The following GSTCD variants were observed in gnomAD, a reference collection of about 807,000 sequenced individuals.
The protein encoded by GSTCD is glutathione S-transferase C-terminal domain containing.
GSTCD carries 44 observed loss-of-function variants against 68.3 expected under a neutral mutation model. The observed-to-expected ratio is 0.64, with a 90% CI of 0.51 to 0.83. The LOEUF (loss-of-function observed/expected upper bound fraction) is 0.83, where lower values mean the gene tolerates loss of function less well. Ranked by LOEUF, GSTCD falls within the 40% of genes least tolerant of loss-of-function variation. GSTCD has a pLI of 0.00. For synonymous variants in GSTCD, 273 were observed against 255.2 expected (o/e 1.07, Z -0.67); for missense variants, 739 against 735.9 (o/e 1.00, Z -0.05).
chr4:105,830,018 A>T (rs1344742132), intron 8 of GSTCD, among the ~76,000 whole-genome samples: 1 of 152,194 alleles, frequency 6.6e-6, no homozygotes. Flanking sequence ...TTTTTAAATT[A>T]GAGATTTAGT....
intron 5 of GSTCD, among the ~76,000 whole-genome samples, chr4:105,775,090 T>G (rs140946014): frequency 0.054 from 8,170 of 152,286 alleles, 252 homozygotes; most frequent in Middle Eastern, 0.14. Flanking sequence ...GTCTTCATGC[T>G]TTATTTCATT....
At chr4:105,819,388 AC>A (rs1469759096) in intron 5 of GSTCD, among the ~76,000 whole-genome samples, 2 of 151,796 alleles carry the variant, frequency 1.3e-5, no homozygotes, top group African/African-American at 4.8e-5. Context: ...CAATGCACAT[AC>A]TTTTGCACAT....
intron 10 of GSTCD, among the ~76,000 whole-genome samples, 200 bp from the exon 11 acceptor site, chr4:105,841,865 A>G (rs1326252150): frequency 6.6e-6 from 1 of 152,154 alleles, no homozygotes; most frequent in African/African-American, 2.4e-5. Context: ...ACAAAAAAAT[A>G]CAGTGTACTT....
chr4:105,740,307 G>T (rs553858328), intron 5 of GSTCD, among the ~76,000 whole-genome samples: 8 of 151,974 alleles, frequency 5.3e-5, no homozygotes, highest in African/African-American at 1.7e-4. Context: ...CTGGAGTGAG[G>T]ACTATAGTTT....
rs908300777 is a variant in GSTCD, at chr4:105,741,821, A to G, written c.1240+12322A>G. On this transcript the variant is annotated intron_variant, in intron 5 of 11. Transcript: ENST00000515279. ...CAGGGCTACAGGGTATACTCACATT[A>G]CATTCACTGTTTCTTAAAAGGTTTA... Among the ~76,000 whole-genome samples the G allele has an allele frequency of 7.2e-5, 11 of 152,318 alleles. 1 individual carries two copies. In the South Asian group the frequency reaches 2.1e-3, roughly 29 times the overall value.
In GSTCD at chr4:105,719,329, T is replaced by G; in HGVS notation, c.696T>G (p.Ser232=). ...HTQETSEGLD[S]SSKSLELKVA... ...AGGAAACATCTGAAGGGTTGGATTC[T>G]TCATCCAAGAGTCTGGAACTGAAAG... The change falls in exon 3 of 12, where the codon TCT becomes TCG. Residue 232 remains serine (S), a synonymous_variant. Coordinates refer to ENST00000515279, the MANE Select transcript of GSTCD (RefSeq NM_001370181.1). The G allele has an allele frequency of 3.7e-6, 6 of 1,614,148 alleles. No homozygotes were observed. Among genetic ancestry groups the G allele is most frequent in the Non-Finnish European group, 5.1e-6 (6 of 1,180,014 alleles).
intron 5 of GSTCD, among the ~76,000 whole-genome samples, chr4:105,821,813 C>T (rs1723307475): frequency 6.6e-6 from 1 of 151,644 alleles, no homozygotes; most frequent in African/African-American, 2.4e-5. Context: ...TTGAAAGTAA[C>T]CATACATGTA....
At chr4:105,725,456 G>A (rs915796879) in intron 3 of GSTCD, among the ~76,000 whole-genome samples, 1 of 152,108 alleles carries the variant, frequency 6.6e-6, no homozygotes, top group Non-Finnish European at 1.5e-5. Context: ...CCCACCAGCA[G>A]TAAATGAGAG....
intron 5 of GSTCD, among the ~76,000 whole-genome samples, chr4:105,815,514 AAAATC>A (rs1334438916): frequency 6.6e-6 from 1 of 152,208 alleles, no homozygotes; most frequent in African/African-American, 2.4e-5. Flanking sequence ...ATATGACAAA[AAAATC>A]AAAGAAGAAA....
At position 105,845,678 on chromosome 4, in the gene GSTCD, T is replaced by A; in HGVS notation, c.*101T>A. ...CATAACTAGGAAACAGCATTAGCCA[T>A]CTTGAACCTATTGTGCTCAGGAAGG... On this transcript the variant is annotated 3_prime_UTR_variant, in exon 12 of 12. Transcript: ENST00000515279. 8.1e-7 allele frequency: 1 copy of A among 1,239,334 alleles called. No individual in the cohort carries two copies. Among genetic ancestry groups the A allele is most frequent in the South Asian group, 1.3e-5 (1 of 76,798 alleles). 76.8% of individuals were successfully genotyped at this position (1,239,334 alleles called of 1,614,324 possible).
rs1315357899 is a variant in GSTCD at position 105,749,625 on chromosome 4, AT to A, written c.1240+20127del. ...ATCCATAGGCAAAAAAAAAAAAAAA[AT>A]CTCTACCTAAATTGCACACTTATAT... On this transcript the variant is annotated intron_variant, in intron 5 of 11. Coordinates refer to ENST00000515279, the MANE Select transcript of GSTCD (RefSeq NM_001370181.1). Among the ~76,000 whole-genome samples, 98 of 151,794 alleles carry A rather than the reference AT, an allele frequency of 6.5e-4. 1 individual carries two copies. Among genetic ancestry groups the A allele is most frequent in the African/African-American group, 2.1e-3 (87 of 41,502 alleles).
chr4:105,780,183 A>G (rs899259863), intron 5 of GSTCD, among the ~76,000 whole-genome samples: 1 of 152,202 alleles, frequency 6.6e-6, no homozygotes, highest in Non-Finnish European at 1.5e-5. Context: ...CAAAGATGGT[A>G]TCCTCACCAC....
At chr4:105,759,505 C>T (rs1734321084) in intron 5 of GSTCD, among the ~76,000 whole-genome samples, 2 of 152,062 alleles carry the variant, frequency 1.3e-5, no homozygotes, top group Admixed American at 6.6e-5. Context: ...GATGCCCTTA[C>T]CAACTGGATC....
At chr4:105,750,218 C>A (rs1396867302) in intron 5 of GSTCD, among the ~76,000 whole-genome samples, 1 of 152,070 alleles carries the variant, frequency 6.6e-6, no homozygotes, top group Non-Finnish European at 1.5e-5. Flanking sequence ...AATCCCAGCA[C>A]TTTGAGAGGC....
chr4:105,836,706 T>A (rs914815387), intron 9 of GSTCD, among the ~76,000 whole-genome samples: 1 of 152,236 alleles, frequency 6.6e-6, no homozygotes, highest in Non-Finnish European at 1.5e-5. Flanking sequence ...GTGCCTGGGC[T>A]CAGCCTCAAC....
chr4:105,734,013 C>T (rs1165994425), intron 5 of GSTCD, among the ~76,000 whole-genome samples: 1 of 152,142 alleles, frequency 6.6e-6, no homozygotes, highest in Non-Finnish European at 1.5e-5. Context: ...TGAATATTGG[C>T]CCCCACTCTC....
chr4:105,761,773 A>G (rs917433380), intron 5 of GSTCD: 1 of 152,216 alleles, frequency 6.6e-6, no homozygotes, highest in Non-Finnish European at 1.5e-5. Flanking sequence ...AGAGAAAATT[A>G]TCTGTAGTTG....
rs1186768961 is a variant in GSTCD, at chr4:105,834,669, TTGCAA to T, written c.1664+78_1664+82del. Reference sequence around the variant, plus strand: ...GACACAAAACTTGTTTGATATAAAGTTGCAATGACTTAATTTTTGGCTCATTTCTT... The same window carrying T: ...GACACAAAACTTGTTTGATATAAAGTTGACTTAATTTTTGGCTCATTTCTT... On this transcript the variant is annotated intron_variant, in intron 9 of 11. Transcript: ENST00000515279. The T allele has an allele frequency of 2.3e-6, 3 of 1,307,214 alleles. No homozygotes were observed. The African/African-American group carries it at 4.4e-5, about 19-fold the overall frequency. The allele number at this position is 1,307,214 out of a possible 1,614,324, so 81.0% of individuals were successfully genotyped here.
intron 5 of GSTCD, among the ~76,000 whole-genome samples, chr4:105,730,190 C>T (rs1345502845): frequency 6.6e-6 from 1 of 152,170 alleles, no homozygotes; most frequent in East Asian, 1.9e-4. Flanking sequence ...GTGAATAGTG[C>T]CGCAATGAAC....
Sources: gnomAD v4.1 joint callset for allele counts (sites outside exome capture counted in the v4.1 genomes callset) on GRCh38, gnomAD v4.1.1 for gene constraint, MANE v1.5 for transcripts, NCBI Gene and HGNC (gene_info 2026-07-23, HGNC 2026-07-21) for gene names.